Variants in PRKN observed in about 807,000 individuals in gnomAD.
PRKN encodes parkin RBR E3 ubiquitin protein ligase.
Under a neutral mutation model 59.5 loss-of-function variants are expected in PRKN, and 56 were observed. That is an observed-to-expected ratio of 0.94 (90% CI 0.76 to 1.18). PRKN has a LOEUF of 1.18. PRKN is among the 50% of genes most tolerant of loss of function. The pLI is 0.00. For missense variants in PRKN, 657 were observed against 596.4 expected, an observed-to-expected ratio of 1.10 and a Z score of -1.06; for synonymous variants, 250 against 222.1, an observed-to-expected ratio of 1.13 and a Z score of -1.12.
chr6:162,384,867 A>C (rs2128142054), intron 2 of PRKN, among the ~76,000 whole-genome samples: 1 of 152,264 alleles, frequency 6.6e-6, no homozygotes, highest in South Asian at 2.1e-4. Context: ...AAGTAGAGTA[A>C]GTAGGCATCA....
chr6:161,534,390 G>A (rs1254407666), intron 9 of PRKN, among the ~76,000 whole-genome samples: 2 of 152,152 alleles, frequency 1.3e-5, no homozygotes, highest in East Asian at 1.9e-4. Flanking sequence ...AACGATGAGT[G>A]TGCTGAATGC....
At chr6:162,158,568 A>T (rs1261402645) in intron 4 of PRKN, among the ~76,000 whole-genome samples, 2 of 151,832 alleles carry the variant, frequency 1.3e-5, no homozygotes, top group East Asian at 3.9e-4. Flanking sequence ...AGTAGCTGGG[A>T]CTACACTTGT....
At chr6:162,054,708 G>T (rs1462713313) in intron 4 of PRKN, among the ~76,000 whole-genome samples, 1 of 152,070 alleles carries the variant, frequency 6.6e-6, no homozygotes, top group African/African-American at 2.4e-5. Context: ...GCTTCCCTAG[G>T]CATCAAAGAA....
At chr6:162,685,793 A>C (rs1779948197) in intron 1 of PRKN, among the ~76,000 whole-genome samples, 1 of 152,186 alleles carries the variant, frequency 6.6e-6, no homozygotes. Context: ...AACAGAGCTG[A>C]GTATTTTTGG....
chr6:162,243,138 T>G (rs1216702421), intron 3 of PRKN, among the ~76,000 whole-genome samples: 1 of 152,134 alleles, frequency 6.6e-6, no homozygotes, highest in Non-Finnish European at 1.5e-5. Context: ...CGCAATAAAT[T>G]ACCAGTGTGT....
At chr6:162,046,577 T>TG (rs1784258957) in intron 5 of PRKN, among the ~76,000 whole-genome samples, 1 of 152,264 alleles carries the variant, frequency 6.6e-6, no homozygotes, top group African/African-American at 2.4e-5. Context: ...ACAGCCGCAC[T>TG]GGTTCTGGCA....
chr6:161,697,239 G>A (rs1786059597), intron 7 of PRKN, among the ~76,000 whole-genome samples: 1 of 152,150 alleles, frequency 6.6e-6, no homozygotes, highest in African/African-American at 2.4e-5. Flanking sequence ...TCATCCTCTG[G>A]TAATGTGGAA....
chr6:161,664,891 C>T (rs140592843), intron 7 of PRKN, among the ~76,000 whole-genome samples: 7,122 of 151,116 alleles, frequency 0.047, 268 homozygotes, highest in Non-Finnish European at 0.065. Flanking sequence ...CAGGTTCAAG[C>T]GATTCTTCTG....
rs549244433 is a variant in PRKN at position 161,480,961 on chromosome 6, C to T, written c.1083+67893G>A. 3.9e-5 allele frequency among the ~76,000 whole-genome samples: 6 copies of T among 152,264 alleles called. No individual in the cohort carries two copies. Among genetic ancestry groups the T allele is most frequent in the African/African-American group, 7.2e-5 (3 of 41,568 alleles). On this transcript the variant is annotated intron_variant, in intron 9 of 11. Coordinates refer to ENST00000366898, the MANE Select transcript of PRKN (RefSeq NM_004562.3). The surrounding 1 kb of genome is among the most constrained non-coding windows in gnomAD (Gnocchi z 4.1). ...CATGGTAACCGGGCAAGGAGAAAAG[C>T]GCTTCACAGCCACGAAGAGGGGGTT...
rs886863450 is a variant in PRKN at position 162,526,385 on chromosome 6, G to C, written c.8-82912C>G. ...AACCAAAGGTGGCCGGGCACGGTGGGTCACGCCTGTAATCCCAGCACTTTG... is the reference window on the plus strand; with the variant it reads ...AACCAAAGGTGGCCGGGCACGGTGGCTCACGCCTGTAATCCCAGCACTTTG... On this transcript the variant is annotated intron_variant, in intron 1 of 11. Transcript: ENST00000366898. 4.0e-5 allele frequency among the ~76,000 whole-genome samples: 6 copies of C among 151,314 alleles called. No individual in the cohort carries two copies. The East Asian group carries it at 1.2e-3, about 30-fold the overall frequency.
intron 1 of PRKN, among the ~76,000 whole-genome samples, chr6:162,673,610 T>C (rs755724012): frequency 5.6e-4 from 86 of 152,270 alleles, no homozygotes; most frequent in Non-Finnish European, 1.1e-3. Flanking sequence ...GATCTCCAAC[T>C]CCTGAGTTCA....
chr6:161,419,701 G>T lies in PRKN; in HGVS notation c.1084-32824C>A, dbSNP rs1788002296. Among the ~76,000 whole-genome samples, 1 of 151,862 alleles carries T rather than the reference G, an allele frequency of 6.6e-6. No individual in the cohort carries two copies. The highest frequency in any genetic ancestry group is 6.6e-5 in the Admixed American group (1 of 15,256). ...CCACGCCCAGCCTCCTCTGACTTTTGTAAGGGAAATAATTAGATTCTGCTT... is the reference window on the plus strand; with the variant it reads ...CCACGCCCAGCCTCCTCTGACTTTTTTAAGGGAAATAATTAGATTCTGCTT... On this transcript the variant is annotated intron_variant, in intron 9 of 11. Coordinates refer to ENST00000366898, the MANE Select transcript of PRKN (RefSeq NM_004562.3). This position sits in a 1 kb window ranked among gnomAD's most constrained non-coding sequence, Gnocchi z 4.1.
chr6:161,522,793 G>T (rs1489818444), intron 9 of PRKN, among the ~76,000 whole-genome samples: 1 of 152,192 alleles, frequency 6.6e-6, no homozygotes, highest in African/African-American at 2.4e-5. Flanking sequence ...GTGAACGGAG[G>T]TCCTGTGTAG....
At chr6:162,172,001 A>G (rs1783302062) in intron 4 of PRKN, among the ~76,000 whole-genome samples, 1 of 152,126 alleles carries the variant, frequency 6.6e-6, no homozygotes, top group Admixed American at 6.6e-5. Context: ...TAATATTCTT[A>G]ATTCTCACAG....
intron 2 of PRKN, among the ~76,000 whole-genome samples, chr6:162,323,351 AT>A (rs1208089197): frequency 5.3e-5 from 8 of 152,040 alleles, no homozygotes; most frequent in Non-Finnish European, 1.0e-4. Context: ...TTAGACAAGA[AT>A]TTCTTAGATA....
At chr6:162,590,814 C>T (rs750173141) in intron 1 of PRKN, among the ~76,000 whole-genome samples, 79 of 152,258 alleles carry the variant, frequency 5.2e-4, no homozygotes, top group Non-Finnish European at 4.4e-4. Context: ...CCGGCACAGA[C>T]GCAACGTGTC....
intron 6 of PRKN, among the ~76,000 whole-genome samples, chr6:161,827,664 C>A (rs1044502582): frequency 6.6e-6 from 1 of 151,778 alleles, no homozygotes; most frequent in East Asian, 1.9e-4. Flanking sequence ...TGTGCCACCA[C>A]ACCGGGCTAA....
chr6:161,443,325 A>AAAG (rs1554261812), intron 9 of PRKN, among the ~76,000 whole-genome samples: 2,925 of 149,986 alleles, frequency 0.02, 123 homozygotes, highest in African/African-American at 0.066. Context: ...AAAAAAAAAA[A>AAAG]AATCAGGGAG....
rs147678842 is a variant in PRKN, at chr6:162,369,011, C to T, written c.171+74299G>A. ...TGCATGGACACTAGCACTCATTACC[C>T]CATCCATATTTTGGTGAGATTTTTG... On this transcript the variant is annotated intron_variant, in intron 2 of 11. Coordinates refer to ENST00000366898, the MANE Select transcript of PRKN (RefSeq NM_004562.3). Among the ~76,000 whole-genome samples the T allele has an allele frequency of 4.5e-3, 678 of 152,246 alleles. 1 individual carries two copies. The highest frequency in any genetic ancestry group is 0.017 in the Middle Eastern group (5 of 294).
Sources: gnomAD v4.1 joint callset for allele counts (sites outside exome capture counted in the v4.1 genomes callset) on GRCh38, gnomAD v4.1.1 for gene constraint, Gnocchi (gnomAD v3.1) non-coding constraint, MANE v1.5 for transcripts, NCBI Gene and HGNC (gene_info 2026-07-23, HGNC 2026-07-21) for gene names.